ACACA: variants seen among roughly 807,000 people sequenced by gnomAD.
ACACA encodes acetyl-CoA carboxylase alpha.
A neutral mutation model predicts 296.1 loss-of-function variants in ACACA; 103 were observed. That is an observed-to-expected ratio of 0.35 (90% confidence interval 0.30 to 0.41). The LOEUF (loss-of-function observed/expected upper bound fraction) is 0.41. Ranked by LOEUF, ACACA falls within the 10% of genes least tolerant of loss-of-function variation. The pLI is 1.00. For synonymous variants in ACACA, 953 were observed against 1,038.6 expected (o/e 0.92, Z 1.58); for missense variants, 1,554 against 2,989.7 (o/e 0.52, Z 11.20).
In ACACA at chr17:37,181,362, G is replaced by GC. The variant is rs751920161; in HGVS notation, c.4777-7_4777-6insG. The GC allele has an allele frequency of 1.6e-5, 26 of 1,609,950 alleles. No individual in the cohort carries two copies. The highest frequency in any genetic ancestry group is 3.3e-4 in the Middle Eastern group (2 of 6,062). On this transcript the variant is annotated splice_polypyrimidine_tract_variant and splice_region_variant and intron_variant, in intron 39 of 55. Transcript: ENST00000616317. ...CCATATGCCTGAAACATGATCTGCA[G>GC]GAAAAAAAAATGGCATGGGGAGTTA...
chr17:37,384,319 T>C (rs2050433788), intron 1 of ACACA, among the ~76,000 whole-genome samples: 1 of 152,258 alleles, frequency 6.6e-6, no homozygotes, highest in Non-Finnish European at 1.5e-5. Context: ...ATGGAGACTA[T>C]TTGTTATTAT....
At chr17:37,094,606 T>G (rs1312473282) in intron 54 of ACACA, among the ~76,000 whole-genome samples, 2 of 140,344 alleles carry the variant, frequency 1.4e-5, no homozygotes, top group Non-Finnish European at 3.1e-5. Flanking sequence ...GCAAGCAGAT[T>G]GTACATCACT....
intron 42 of ACACA, chr17:37,161,509 C>T (rs1419100125): frequency 4.0e-5 from 21 of 520,684 alleles, no homozygotes; most frequent in South Asian, 2.2e-4. Context: ...TAGCATGTCT[C>T]GCACTAAATG....
At chr17:37,253,949 C>A (rs1327612479) in intron 14 of ACACA, among the ~76,000 whole-genome samples, 2 of 152,032 alleles carry the variant, frequency 1.3e-5, no homozygotes, top group African/African-American at 4.8e-5. Flanking sequence ...ATGATTTGCT[C>A]ATTACTTTTA....
At chr17:37,145,954 T>C (rs1395543190) in intron 45 of ACACA, among the ~76,000 whole-genome samples, 1 of 151,664 alleles carries the variant, frequency 6.6e-6, no homozygotes, top group Non-Finnish European at 1.5e-5. Flanking sequence ...AAATGGTGAG[T>C]TCACAGGGGG....
At chr17:37,243,611 A>G in intron 21 of ACACA, 52 bp from the exon 22 acceptor site, 1 of 1,562,610 alleles carries the variant, frequency 6.4e-7, no homozygotes, top group African/African-American at 1.4e-5. Context: ...AATCCCCCAA[A>G]TAAAAAGATA....
Position 37,184,219 on chromosome 17 carries a change from CGTT to C in ACACA, c.4777-2866_4777-2864del, listed in dbSNP as rs2077440053. On this transcript the variant is annotated intron_variant, in intron 39 of 55. Coordinates refer to ENST00000616317, the MANE Select transcript of ACACA (RefSeq NM_198834.3). ...TATACATGTAACTCCTCACACAAAT[CGTT>C]GTAAACTATCATCACAAGCATGTGG... Among the ~76,000 whole-genome samples, 3 of 152,230 alleles carry C rather than the reference CGTT, an allele frequency of 2.0e-5. No individual in the cohort carries two copies. The South Asian group carries it at 6.2e-4, about 32-fold the overall frequency.
At chr17:37,135,976 G>A (rs2075315027) in intron 45 of ACACA, among the ~76,000 whole-genome samples, 1 of 151,080 alleles carries the variant, frequency 6.6e-6, no homozygotes, top group South Asian at 2.1e-4. Flanking sequence ...CGAAGACCTG[G>A]CCTCAAGCAA....
At chr17:37,150,659 A>C (rs998828713) in intron 44 of ACACA, among the ~76,000 whole-genome samples, 1 of 151,528 alleles carries the variant, frequency 6.6e-6, no homozygotes, top group Non-Finnish European at 1.5e-5. Flanking sequence ...AAGCTGAGGT[A>C]GGAGGATCAC....
In ACACA at chr17:37,260,284, ATATATATATATATTT is replaced by A. The variant is rs1370028273; in HGVS notation, c.1330-769_1330-755del. Among the ~76,000 whole-genome samples, 25 of 43,444 alleles carry A rather than the reference ATATATATATATATTT, an allele frequency of 5.8e-4. 2 individuals carry two copies. The highest frequency in any genetic ancestry group is 2.4e-3 in the East Asian group (2 of 826). 28.5% of individuals were successfully genotyped at this position (43,444 alleles called of 152,430 possible). A position where few individuals can be genotyped will look rare whatever the true frequency, so the allele number is the denominator to read the frequency against. ...TATATATATATATATATATATATAT[ATATATATATATATTT>A]TTTTTTTTTTTTTTTTTGGAGATGG... On this transcript the variant is annotated intron_variant, in intron 11 of 55. Transcript: ENST00000616317.
intron 1 of ACACA, among the ~76,000 whole-genome samples, chr17:37,380,542 TCATGTGATCTC>T (rs2050202351): frequency 1.3e-5 from 2 of 152,276 alleles, no homozygotes; most frequent in Middle Eastern, 3.4e-3. Flanking sequence ...TCTGTGATTT[TCATGTGATCTC>T]CATTTCTGAT....
chr17:37,248,687 T>C lies in ACACA; in HGVS notation c.2082-13A>G, dbSNP rs775388563. ...AAGGACTTGACCCCTGAAAGAACGA[T>C]GAGAGAGGAACTTACTACAAAGTTC... On this transcript the variant is annotated splice_polypyrimidine_tract_variant and intron_variant, in intron 16 of 55. Transcript: ENST00000616317. 3 of 1,574,064 alleles carry C rather than the reference T, an allele frequency of 1.9e-6. No individual in the cohort carries two copies. Among genetic ancestry groups the C allele is most frequent in the Non-Finnish European group, 2.6e-6 (3 of 1,146,236 alleles).
intron 28 of ACACA, among the ~76,000 whole-genome samples, chr17:37,222,475 A>C (rs1484475175): frequency 1.3e-5 from 2 of 152,132 alleles, no homozygotes; most frequent in African/African-American, 2.4e-5. Context: ...AATAAAAATA[A>C]ATATAAATTA....
Position 37,259,427 on chromosome 17 carries a change from C to A in ACACA, c.1433G>T (p.Arg478Leu). Residue 478 changes from arginine (R) to leucine (L), a missense_variant, in exon 12 of 56, where the codon CGG becomes CTG. Arg to Leu is a moderately radical substitution (Grantham distance 102). Around this residue, in one of 16 missense-constraint regions of ACACA, gnomAD observed 82 missense variants for 185.2 expected, o/e 0.44. Coordinates refer to ENST00000616317, the MANE Select transcript of ACACA (RefSeq NM_198834.3). ...GSFYFLELNP[R>L]LQVEHPCTEM... is the part of the protein sequence containing the mutation. ...TGTACAAGGGTGCTCTACCTGCAGC[C>A]GAGGATTCAATTCCAGAAAGTAGAA... 6.2e-7 allele frequency: 1 copy of A among 1,614,104 alleles called. No individual in the cohort carries two copies. Among genetic ancestry groups the A allele is most frequent in the Non-Finnish European group, 8.5e-7 (1 of 1,180,024 alleles).
At chr17:37,359,579 C>T (rs572151524) in intron 1 of ACACA, among the ~76,000 whole-genome samples, 1 of 152,294 alleles carries the variant, frequency 6.6e-6, no homozygotes, top group African/African-American at 2.4e-5. Context: ...GCATCAGGGA[C>T]AGAGGCGTCC....
intron 3 of ACACA, among the ~76,000 whole-genome samples, chr17:37,323,024 T>C (rs983270281): frequency 6.6e-6 from 1 of 152,240 alleles, no homozygotes; most frequent in South Asian, 2.1e-4. Flanking sequence ...ATAAGGCAGA[T>C]GGTCTATTGA....
chr17:37,239,027 C>A (rs537941720), intron 24 of ACACA, among the ~76,000 whole-genome samples: 16 of 152,196 alleles, frequency 1.1e-4, no homozygotes, highest in East Asian at 9.7e-4. Flanking sequence ...TGGGGTCTCA[C>A]TATATTGCCA....
chr17:37,085,844 C>A lies in ACACA; in HGVS notation c.*1472G>T. On this transcript the variant is annotated 3_prime_UTR_variant, in exon 56 of 56. Coordinates refer to ENST00000616317, the MANE Select transcript of ACACA (RefSeq NM_198834.3). ...GTGGCTTGTCCAAGAACGTTCATAC[C>A]ACTGCTTCTCAAATGTCTTAGTGAT... 1 of 399,092 alleles carries A rather than the reference C, an allele frequency of 2.5e-6. No homozygotes were observed. Among genetic ancestry groups the A allele is most frequent in the South Asian group, 1.3e-4 (1 of 7,858 alleles). 24.7% of individuals were successfully genotyped at this position (399,092 alleles called of 1,614,324 possible).
At position 37,221,632 on chromosome 17, in the gene ACACA, A is replaced by G; in HGVS notation, c.3683+92T>C. 7 of 1,133,016 alleles carry G rather than the reference A, an allele frequency of 6.2e-6. No individual in the cohort carries two copies. In the South Asian group the frequency reaches 8.6e-5, roughly 14 times the overall value. 70.2% of individuals were successfully genotyped at this position (1,133,016 alleles called of 1,614,324 possible). A position where few individuals can be genotyped will look rare whatever the true frequency, so the allele number is the denominator to read the frequency against. ...CATTTTTTGCCCTACATTTCTAACT[A>G]AAAAAACATGGAATTGTCATACACA... is the stretch of plus-strand genomic sequence containing the variant. On this transcript the variant is annotated intron_variant, in intron 29 of 55. Coordinates refer to ENST00000616317, the MANE Select transcript of ACACA (RefSeq NM_198834.3).
Sources: gnomAD v4.1 joint callset for allele counts (sites outside exome capture counted in the v4.1 genomes callset) on GRCh38, gnomAD v4.1.1 for gene constraint, gnomAD v4.1.1 regional missense constraint, MANE v1.5 for transcripts, NCBI Gene and HGNC (gene_info 2026-07-23, HGNC 2026-07-21) for gene names.